The following RAPGEF5 variants were observed in gnomAD, a reference collection of about 807,000 sequenced individuals.
RAPGEF5 encodes M-Ras-regulated GEF.
In RAPGEF5, 65 loss-of-function variants were observed where a neutral mutation model predicts 125.2. The ratio of observed to expected loss-of-function variants is 0.52; its 90% confidence interval spans 0.43 to 0.64. The LOEUF is 0.64. Among genes scored for constraint, RAPGEF5 ranks in the 30% least tolerant of loss-of-function variants. The pLI, the probability that RAPGEF5 is intolerant of heterozygous loss-of-function variation, is 0.00. For synonymous variants in RAPGEF5, 391 were observed against 385.9 expected (o/e 1.01, Z -0.16); for missense variants, 958 against 1,048.1 (o/e 0.91, Z 1.19).
At chr7:22,331,545 A>C (rs908430960) in intron 1 of RAPGEF5, among the ~76,000 whole-genome samples, 7 of 152,090 alleles carry the variant, frequency 4.6e-5, no homozygotes, top group Non-Finnish European at 1.0e-4. Flanking sequence ...GGAGATCGAG[A>C]CCATCCTGGC....
intron 1 of RAPGEF5, chr7:22,356,194 G>A (rs1056008950): frequency 4.1e-6 from 4 of 985,304 alleles, no homozygotes; most frequent in Admixed American, 1.2e-4. Context: ...CCAGGAAATC[G>A]TATCTGAACA....
chr7:22,172,414 G>A (rs529189051), intron 11 of RAPGEF5, among the ~76,000 whole-genome samples: 4 of 152,204 alleles, frequency 2.6e-5, no homozygotes, highest in Admixed American at 6.5e-5. Context: ...ATAAGCCACC[G>A]TGCCCGGCCT....
chr7:22,224,631 C>T lies in RAPGEF5; in HGVS notation c.871-4640G>A, dbSNP rs374626036. 9.2e-5 allele frequency among the ~76,000 whole-genome samples: 14 copies of T among 152,142 alleles called. No individual in the cohort carries two copies. The East Asian group carries it at 1.7e-3, about 19-fold the overall frequency. On this transcript the variant is annotated intron_variant, in intron 8 of 25. Transcript: ENST00000665637. Reference sequence around the variant, plus strand: ...CAGTATGGCCCTCCCATACAAAAGACAGCATGTGGGGAATGGAGGCCCAGA... The same window carrying T: ...CAGTATGGCCCTCCCATACAAAAGATAGCATGTGGGGAATGGAGGCCCAGA...
In RAPGEF5 at chr7:22,341,178, T is replaced by C. The variant is rs148848663; in HGVS notation, c.231+15652A>G. ...TGTGGCTGGGGAGGCCTCAGAATCA[T>C]GGCAGAAGGTGAAAGGCACATCTCA... On this transcript the variant is annotated intron_variant, in intron 1 of 25. Coordinates refer to ENST00000665637, the MANE Select transcript of RAPGEF5 (RefSeq NM_012294.5). Among the ~76,000 whole-genome samples, 1,140 of 152,300 alleles carry C rather than the reference T, an allele frequency of 7.5e-3. 15 individuals carry two copies. Among genetic ancestry groups the C allele is most frequent in the African/African-American group, 0.026 (1,088 of 41,554 alleles).
At chr7:22,305,624 T>C (rs1425762461) in intron 5 of RAPGEF5, among the ~76,000 whole-genome samples, 3 of 152,210 alleles carry the variant, frequency 2.0e-5, no homozygotes, top group Non-Finnish European at 2.9e-5. Flanking sequence ...AGTTACCCTG[T>C]TGTGCTATCA....
rs1782540959 is a variant in RAPGEF5, at chr7:22,120,112, G to A, written c.*2294C>T. On this transcript the variant is annotated 3_prime_UTR_variant, in exon 26 of 26. Transcript: ENST00000665637. This position sits in a 1 kb window ranked among gnomAD's most constrained non-coding sequence, Gnocchi z 4.0. ...TTTTAGACATTCAGAAGACAAGGAT[G>A]GAAAAGCAAATCTTGACTGCACAAA... 1 of 152,164 alleles carries A rather than the reference G, an allele frequency of 6.6e-6. No individual in the cohort carries two copies. The highest frequency in any genetic ancestry group is 2.4e-5 in the African/African-American group (1 of 41,430). The allele number at this position is 152,164 out of a possible 1,614,324, so 9.4% of individuals were successfully genotyped here.
chr7:22,317,186 C>T (rs1269917311), intron 2 of RAPGEF5, among the ~76,000 whole-genome samples: 1 of 150,234 alleles, frequency 6.7e-6, no homozygotes, highest in Admixed American at 6.6e-5. Flanking sequence ...GAGAAGGTCC[C>T]AGCCCTCACA....
At chr7:22,292,153 G>C (rs1201643606) in intron 5 of RAPGEF5, among the ~76,000 whole-genome samples, 1 of 152,186 alleles carries the variant, frequency 6.6e-6, no homozygotes, top group Non-Finnish European at 1.5e-5. Flanking sequence ...TCACAGTCCA[G>C]TGATTGATTT....
chr7:22,184,987 T>C (rs1784786048), intron 11 of RAPGEF5, among the ~76,000 whole-genome samples: 1 of 152,168 alleles, frequency 6.6e-6, no homozygotes, highest in South Asian at 2.1e-4. Flanking sequence ...CCAGTGGCCA[T>C]TCTGCTCACA....
chr7:22,245,501 TA>T (rs1030070007), intron 7 of RAPGEF5, among the ~76,000 whole-genome samples: 9 of 152,216 alleles, frequency 5.9e-5, no homozygotes, highest in South Asian at 2.1e-4. Flanking sequence ...TGGTGTGAGA[TA>T]GGGGGTCCAA....
At chr7:22,187,284 AG>A (rs1784853970) in intron 11 of RAPGEF5, among the ~76,000 whole-genome samples, 1 of 152,184 alleles carries the variant, frequency 6.6e-6, no homozygotes, top group Non-Finnish European at 1.5e-5. Flanking sequence ...TTTGAATCAA[AG>A]GGTTTTAGTG....
intron 1 of RAPGEF5, among the ~76,000 whole-genome samples, chr7:22,333,138 T>G (rs974621973): frequency 4.6e-5 from 7 of 152,230 alleles, no homozygotes; most frequent in Admixed American, 4.6e-4. Flanking sequence ...TCTATAATTC[T>G]CATGTTAAAC....
At chr7:22,157,786 C>T (rs76398641) in intron 15 of RAPGEF5, 69 bp downstream of exon 15, 20,944 of 1,498,122 alleles carry the variant, frequency 0.014, 198 homozygotes, top group Non-Finnish European at 0.017. Flanking sequence ...TTATGAAACA[C>T]GCCAAGGGAG....
At chr7:22,280,194 G>C (rs2128144574) in intron 6 of RAPGEF5, among the ~76,000 whole-genome samples, 1 of 152,094 alleles carries the variant, frequency 6.6e-6, no homozygotes, top group Middle Eastern at 3.4e-3. Flanking sequence ...GCCTCATACA[G>C]GAAAAAAAAG....
At chr7:22,237,259 A>C (rs1786214553) in intron 7 of RAPGEF5, among the ~76,000 whole-genome samples, 1 of 152,098 alleles carries the variant, frequency 6.6e-6, no homozygotes, top group Admixed American at 6.5e-5. Flanking sequence ...TGTCTTTGCT[A>C]ACCTACATTA....
chr7:22,258,332 A>G (rs1782054831), intron 7 of RAPGEF5, among the ~76,000 whole-genome samples: 1 of 152,294 alleles, frequency 6.6e-6, no homozygotes, highest in Middle Eastern at 3.4e-3. Flanking sequence ...GAAAGAATAG[A>G]CAAACAGGCC....
At chr7:22,226,921 A>C (rs1322405634) in intron 8 of RAPGEF5, among the ~76,000 whole-genome samples, 1 of 152,168 alleles carries the variant, frequency 6.6e-6, no homozygotes, top group Non-Finnish European at 1.5e-5. Flanking sequence ...CAGAAACCAC[A>C]CTTACATGAA....
intron 11 of RAPGEF5, among the ~76,000 whole-genome samples, chr7:22,177,657 C>T (rs914903818): frequency 3.9e-5 from 6 of 152,240 alleles, no homozygotes; most frequent in Admixed American, 3.3e-4. Flanking sequence ...ACATGGCCTG[C>T]GCCCCTCATA....
chr7:22,220,213 T>G, intron 8 of RAPGEF5: 1 of 518,784 alleles, frequency 1.9e-6, no homozygotes, highest in Admixed American at 3.2e-5. Flanking sequence ...CACCCTACTT[T>G]AAGAGGGTGA....
Sources: gnomAD v4.1 joint callset for allele counts (sites outside exome capture counted in the v4.1 genomes callset) on GRCh38, gnomAD v4.1.1 for gene constraint, Gnocchi (gnomAD v3.1) non-coding constraint, MANE v1.5 for transcripts, NCBI Gene and HGNC (gene_info 2026-07-23, HGNC 2026-07-21) for gene names.